The following WWOX variants were observed in gnomAD, a reference collection of about 807,000 sequenced individuals.
WWOX encodes the protein WW domain containing oxidoreductase.
A neutral mutation model predicts 46.2 loss-of-function variants in WWOX; 69 were observed. The observed-to-expected ratio is 1.49, with a 90% CI of 1.23 to 1.82. WWOX has a LOEUF of 1.82. Ranked by LOEUF, WWOX falls within the 40% of genes most tolerant of loss-of-function variation. The pLI, the probability that WWOX is intolerant of heterozygous loss-of-function variation, is 0.00. For synonymous variants in WWOX, 359 were observed against 202.6 expected (o/e 1.77, Z -6.56); for missense variants, 919 against 542.6 (o/e 1.69, Z -6.89).
At chr16:78,323,695 C>G (rs1443593327) in intron 5 of WWOX, among the ~76,000 whole-genome samples, 1 of 152,176 alleles carries the variant, frequency 6.6e-6, no homozygotes, top group Non-Finnish European at 1.5e-5. Context: ...TCTCCTCTTC[C>G]TCTTTGGAAT....
intron 5 of WWOX, among the ~76,000 whole-genome samples, chr16:78,172,155 C>T (rs1369504222): frequency 1.3e-5 from 2 of 152,104 alleles, no homozygotes; most frequent in African/African-American, 2.4e-5. Context: ...TGTACTCATA[C>T]ATTATTTGCA....
At position 78,540,120 on chromosome 16, in the gene WWOX, A is replaced by G. The variant is rs572655208; in HGVS notation, c.1056+107368A>G. On this transcript the variant is annotated intron_variant, in intron 8 of 8. Coordinates refer to ENST00000566780, the MANE Select transcript of WWOX (RefSeq NM_016373.4). ...CACCCTCACACTTTTTTTAGCTCCG[A>G]TCTGTGTTCAATTTCTGCCTGAGAG... Among the ~76,000 whole-genome samples the G allele has an allele frequency of 2.6e-5, 4 of 151,538 alleles. No homozygotes were observed. The East Asian group carries it at 7.8e-4, about 30-fold the overall frequency.
intron 8 of WWOX, among the ~76,000 whole-genome samples, chr16:78,562,537 C>T (rs918033204): frequency 3.9e-5 from 6 of 152,300 alleles, no homozygotes; most frequent in Non-Finnish European, 8.8e-5. Flanking sequence ...TTGAGGACTC[C>T]ATAAATGTCT....
chr16:78,130,094 C>G (rs1297518272), intron 4 of WWOX: 1 of 152,156 alleles, frequency 6.6e-6, no homozygotes, highest in Non-Finnish European at 1.5e-5. Flanking sequence ...TGTTTGCTTC[C>G]TCTCCTGCCA....
At chr16:78,685,988 A>T (rs2047847861) in intron 8 of WWOX, among the ~76,000 whole-genome samples, 1 of 152,122 alleles carries the variant, frequency 6.6e-6, no homozygotes, top group African/African-American at 2.4e-5. Context: ...AGAAATAGGG[A>T]ATTTGAAATG....
At chr16:79,147,383 C>G (rs926538736) in intron 8 of WWOX, among the ~76,000 whole-genome samples, 6 of 152,158 alleles carry the variant, frequency 3.9e-5, no homozygotes, top group East Asian at 1.9e-4. Flanking sequence ...TTTTTTCACT[C>G]GGTACAATTC....
intron 8 of WWOX, among the ~76,000 whole-genome samples, chr16:78,990,600 G>C: frequency 6.6e-6 from 1 of 152,280 alleles, no homozygotes; most frequent in Admixed American, 6.5e-5. Flanking sequence ...CACCCAAGTT[G>C]TAAGATGGTA....
chr16:78,605,423 C>T lies in WWOX; in HGVS notation c.1056+172671C>T, dbSNP rs185850106. On this transcript the variant is annotated intron_variant, in intron 8 of 8. Coordinates refer to ENST00000566780, the MANE Select transcript of WWOX (RefSeq NM_016373.4). ...GGGCTCATGTCAAGGGAGGGAACCTCGCTCTTCTACTCTCAGTGAAAGAAA... is the reference window on the plus strand; with the variant it reads ...GGGCTCATGTCAAGGGAGGGAACCTTGCTCTTCTACTCTCAGTGAAAGAAA... Among the ~76,000 whole-genome samples the T allele has an allele frequency of 2.2e-4, 33 of 151,404 alleles. No individual in the cohort carries two copies. The East Asian group carries it at 4.3e-3, about 20-fold the overall frequency.
intron 3 of WWOX, among the ~76,000 whole-genome samples, chr16:78,110,675 A>G (rs974605367): frequency 1.3e-5 from 2 of 152,194 alleles, no homozygotes; most frequent in African/African-American, 4.8e-5. Flanking sequence ...TCCAACATAT[A>G]GCATGAGCCA....
At chr16:78,616,235 T>C (rs1450271731) in intron 8 of WWOX, among the ~76,000 whole-genome samples, 4 of 151,948 alleles carry the variant, frequency 2.6e-5, no homozygotes, top group African/African-American at 7.3e-5. Flanking sequence ...TTTTTAATTA[T>C]ATAAGCAAGT....
At chr16:78,124,070 G>T (rs1336606260) in intron 4 of WWOX, 2 of 152,016 alleles carry the variant, frequency 1.3e-5, no homozygotes, top group African/African-American at 4.8e-5. Flanking sequence ...ATAGAAATTT[G>T]GCCCAGAAAG....
At chr16:78,875,642 C>A (rs1266178999) in intron 8 of WWOX, among the ~76,000 whole-genome samples, 1 of 152,086 alleles carries the variant, frequency 6.6e-6, no homozygotes, top group African/African-American at 2.4e-5. Flanking sequence ...CACCAGCCAC[C>A]TTTTATAGAA....
chr16:78,739,018 G>C (rs1452868659), intron 8 of WWOX, among the ~76,000 whole-genome samples: 2 of 152,144 alleles, frequency 1.3e-5, no homozygotes, highest in South Asian at 2.1e-4. Context: ...ACAACTAGAA[G>C]CCATGGTTTC....
At chr16:79,173,233 C>T (rs1022673680) in intron 8 of WWOX, among the ~76,000 whole-genome samples, 3 of 152,156 alleles carry the variant, frequency 2.0e-5, no homozygotes, top group African/African-American at 7.2e-5. Context: ...CCTCCTGGGC[C>T]TCCTGAGGGG....
chr16:78,290,406 G>A (rs956614766), intron 5 of WWOX, among the ~76,000 whole-genome samples: 2 of 150,674 alleles, frequency 1.3e-5, no homozygotes, highest in African/African-American at 4.9e-5. Context: ...TTTTCTTTGT[G>A]CTTCCTCTGA....
At chr16:78,130,388 C>T (rs1236287687) in intron 4 of WWOX, among the ~76,000 whole-genome samples, 6 of 152,184 alleles carry the variant, frequency 3.9e-5, no homozygotes, top group Non-Finnish European at 8.8e-5. Flanking sequence ...GGAGGGCCCT[C>T]CCCAAGAACG....
intron 8 of WWOX, among the ~76,000 whole-genome samples, chr16:78,599,777 A>T (rs750103263): frequency 2.6e-5 from 4 of 152,204 alleles, no homozygotes; most frequent in Middle Eastern, 3.4e-3. Context: ...GTGCTGAAGA[A>T]GAGTCTCAGT....
At chr16:78,636,644 A>T (rs961742561) in intron 8 of WWOX, among the ~76,000 whole-genome samples, 7 of 152,206 alleles carry the variant, frequency 4.6e-5, no homozygotes, top group Non-Finnish European at 7.3e-5. Context: ...TTTAGCCTCA[A>T]GTTTCTGGAA....
At chr16:78,797,587 C>T (rs2050777292) in intron 8 of WWOX, among the ~76,000 whole-genome samples, 1 of 152,056 alleles carries the variant, frequency 6.6e-6, no homozygotes, top group African/African-American at 2.4e-5. Context: ...TTAGTCATGT[C>T]AATATTCCTG....
Sources: gnomAD v4.1 joint callset for allele counts (sites outside exome capture counted in the v4.1 genomes callset) on GRCh38, gnomAD v4.1.1 for gene constraint, MANE v1.5 for transcripts, NCBI Gene and HGNC (gene_info 2026-07-23, HGNC 2026-07-21) for gene names.